Variants in RDH13 observed in about 807,000 individuals in gnomAD.
RDH13 encodes retinol dehydrogenase 13 (all-trans and 9-cis).
Under a neutral mutation model 28.3 loss-of-function variants are expected in RDH13, and 35 were observed. That is an observed-to-expected ratio of 1.24 (90% CI 0.95 to 1.64). The LOEUF (loss-of-function observed/expected upper bound fraction) is 1.64, where lower values mean the gene tolerates loss of function less well. RDH13 is among the 40% of genes most tolerant of loss of function. The pLI, the probability that RDH13 is intolerant of heterozygous loss-of-function variation, is 0.00. For missense variants in RDH13, 514 were observed against 446.3 expected (o/e 1.15, Z -1.37); for synonymous variants, 229 against 198.5 (o/e 1.15, Z -1.29).
chr19:55,053,189 T>G (rs1165258148), intron 3 of RDH13, among the ~76,000 whole-genome samples: 2 of 152,180 alleles, frequency 1.3e-5, no homozygotes, highest in African/African-American at 4.8e-5. Context: ...ATGACAGGCG[T>G]GAACCGCTGC....
At chr19:55,050,124 TTG>T (rs201642803) in intron 3 of RDH13, among the ~76,000 whole-genome samples, 73,556 of 145,098 alleles carry the variant, frequency 0.51, 18,843 homozygotes, top group East Asian at 0.78. Flanking sequence ...TTTTTTTTTT[TTG>T]GGGGGGGGAG....
rs111427426 is a variant in RDH13, at chr19:55,052,063, CTTTT to C, written c.341-3304_341-3301del. Among the ~76,000 whole-genome samples, 742 of 120,718 alleles carry C rather than the reference CTTTT, an allele frequency of 6.1e-3. 1 individual carries two copies. Among genetic ancestry groups the C allele is most frequent in the African/African-American group, 0.023 (672 of 29,274 alleles). The allele number at this position is 120,718 out of a possible 152,430, so 79.2% of individuals were successfully genotyped here. ...TTTGTTTATCTGGGAACTGCCTCAA[CTTTT>C]TTTTTTTTTTTTTTTTTTTGGACAC... On this transcript the variant is annotated intron_variant, in intron 3 of 6. Transcript: ENST00000415061.
In RDH13 at chr19:55,046,148, G is replaced by T. The variant is rs569443469; in HGVS notation, c.761-839C>A. Among the ~76,000 whole-genome samples the T allele has an allele frequency of 2.7e-5, 4 of 150,768 alleles. No homozygotes were observed. The South Asian group carries it at 8.4e-4, about 32-fold the overall frequency. On this transcript the variant is annotated intron_variant, in intron 6 of 6. Transcript: ENST00000415061. ...GCAATCTCAGCTACTTTGGGAGGCT[G>T]AGACAGGAGAATCACTTGAACCGAG...
upstream of RDH13, among the ~76,000 whole-genome samples, chr19:55,068,059 C>T (rs572426316): frequency 2.1e-5 from 3 of 141,524 alleles, no homozygotes; most frequent in Non-Finnish European, 4.6e-5. Flanking sequence ...CTCTCTTTCT[C>T]CCCCATCTCT....
intron 3 of RDH13, among the ~76,000 whole-genome samples, chr19:55,055,305 A>G (rs1031599505): frequency 6.6e-6 from 1 of 151,870 alleles, no homozygotes; most frequent in Non-Finnish European, 1.5e-5. Flanking sequence ...GGTGTGCACC[A>G]CCACGCCTGG....
intron 6 of RDH13, among the ~76,000 whole-genome samples, chr19:55,046,119 G>A (rs976927483): frequency 4.7e-5 from 7 of 150,094 alleles, no homozygotes; most frequent in South Asian, 2.1e-4. Flanking sequence ...GGTGGTGGGC[G>A]CCTGCAATCT....
At chr19:55,041,832 C>G (rs13958), downstream of RDH13, 90,699 of 151,564 alleles carry the variant, frequency 0.6, 27,519 homozygotes, top group African/African-American at 0.68. Context: ...GCCAGGCAGG[C>G]TCTCACTGTG....
upstream of RDH13, chr19:55,063,161 G>A (rs2075866270): frequency 3.5e-6 from 3 of 861,704 alleles, no homozygotes; most frequent in Non-Finnish European, 4.7e-6. Context: ...GCGCGGCTGG[G>A]CCCGCGTCCG....
chr19:55,065,602 A>G (rs567662242), upstream of RDH13, among the ~76,000 whole-genome samples: 49 of 151,830 alleles, frequency 3.2e-4, no homozygotes, highest in African/African-American at 1.2e-3. Context: ...TGATCCACAC[A>G]GTGGCTGTTG....
chr19:55,047,915 G>A, intron 5 of RDH13: 3 of 581,076 alleles, frequency 5.2e-6, no homozygotes, highest in South Asian at 4.0e-5. Flanking sequence ...CCCGTGCGCT[G>A]TAGGACATTG....
At chr19:55,059,856 C>A (rs550049699) in intron 1 of RDH13, among the ~76,000 whole-genome samples, 1 of 152,138 alleles carries the variant, frequency 6.6e-6, no homozygotes, top group African/African-American at 2.4e-5. Flanking sequence ...CTCACAAAAA[C>A]CTGTGTTGTA....
At chr19:55,047,124 C>G in intron 6 of RDH13, 1 of 1,384,788 alleles carries the variant, frequency 7.2e-7, no homozygotes, top group Non-Finnish European at 9.3e-7. Context: ...AGCCTGACTC[C>G]AGGCGTCAGC....
chr19:55,056,610 CG>C (rs1301123842), intron 3 of RDH13, 42 bp downstream of exon 3: 7 of 1,596,474 alleles, frequency 4.4e-6, no homozygotes, highest in African/African-American at 1.3e-5. Flanking sequence ...CCCTGGGAGC[CG>C]CCTATCCCAG....
downstream of RDH13, chr19:55,042,158 A>G (rs2146965445): frequency 6.7e-6 from 1 of 148,760 alleles, no homozygotes; most frequent in South Asian, 2.2e-4. Flanking sequence ...AAAAAAAAAA[A>G]AAGGAAAGCT....
At position 55,063,064 on chromosome 19, in the gene RDH13, G is replaced by GTCCGGCGTCCGGA; in HGVS notation, c.-33_-32insTCCGGACGCCGGA. The GTCCGGCGTCCGGA allele has an allele frequency of 8.3e-7, 1 of 1,203,838 alleles. No homozygotes were observed. The highest frequency in any genetic ancestry group is 1.0e-6 in the Non-Finnish European group (1 of 971,050). The allele number at this position is 1,203,838 out of a possible 1,614,324, so 74.6% of individuals were successfully genotyped here. On this transcript the variant is annotated 5_prime_UTR_variant, in exon 1 of 7. Coordinates refer to ENST00000415061, the MANE Select transcript of RDH13 (RefSeq NM_001145971.2). ...CCGGGGACAGGCGTCAGGCGTCAGGGGTCGGCGCGGAGCTTGCTGCACACC... is the reference window on the plus strand; with the variant it reads ...CCGGGGACAGGCGTCAGGCGTCAGGGTCCGGCGTCCGGAGTCGGCGCGGAGCTTGCTGCACACC...
chr19:55,068,663 G>T (rs187637100), intron 1 of RDH13: 1,563 of 141,144 alleles, frequency 0.011, 22 homozygotes, highest in African/African-American at 0.039. Flanking sequence ...GTGAAACCCC[G>T]TCTCTATTAA....
chr19:55,059,474 T>G (rs562089519), intron 1 of RDH13, among the ~76,000 whole-genome samples, 199 bp from the exon 2 acceptor site: 1 of 152,188 alleles, frequency 6.6e-6, no homozygotes, highest in South Asian at 2.1e-4. Flanking sequence ...GTGGAACGCC[T>G]TCAGCAAGTG....
chr19:55,056,853 C>A, intron 2 of RDH13, 45 bp from the exon 3 acceptor site: 2 of 1,515,948 alleles, frequency 1.3e-6, no homozygotes, highest in Non-Finnish European at 1.8e-6. Flanking sequence ...TAATCCACTC[C>A]TGGGTACTGA....
chr19:55,056,953 A>C lies in RDH13; in HGVS notation c.185-145T>G, dbSNP rs556704936. 165 of 683,648 alleles carry C rather than the reference A, an allele frequency of 2.4e-4. No individual in the cohort carries two copies. In the African/African-American group the frequency reaches 2.7e-3, roughly 11 times the overall value. The allele number at this position is 683,648 out of a possible 1,614,324, so 42.3% of individuals were successfully genotyped here. A position where few individuals can be genotyped will look rare whatever the true frequency, so the allele number is the denominator to read the frequency against. On this transcript the variant is annotated intron_variant, in intron 2 of 6. Transcript: ENST00000415061. ...TTCACAAAAGCCAAAAGGTAGAAAC[A>C]ACCAAATGCCCATCTGTGGATGAAG...
Sources: gnomAD v4.1 joint callset for allele counts (sites outside exome capture counted in the v4.1 genomes callset) on GRCh38, gnomAD v4.1.1 for gene constraint, MANE v1.5 for transcripts, NCBI Gene and HGNC (gene_info 2026-07-23, HGNC 2026-07-21) for gene names.